SOX6: variants seen among roughly 807,000 people sequenced by gnomAD.
SOX6 encodes SRY-box transcription factor 6.
SOX6 carries 11 observed loss-of-function variants against 97.8 expected under a neutral mutation model. The observed-to-expected ratio is 0.11, with a 90% CI of 0.07 to 0.19. The LOEUF (loss-of-function observed/expected upper bound fraction) is 0.19. Ranked by LOEUF, SOX6 falls within the 10% of genes least tolerant of loss-of-function variation. The pLI is 1.00. For missense variants in SOX6, 810 were observed against 1,039.5 expected (o/e 0.78, Z 3.04); for synonymous variants, 360 against 371.4 (o/e 0.97, Z 0.35).
chr11:16,676,520 G>A (rs1319466349), intron 3 of SOX6, among the ~76,000 whole-genome samples: 1 of 152,034 alleles, frequency 6.6e-6, no homozygotes, highest in Non-Finnish European at 1.5e-5. Flanking sequence ...TGAAATCTCT[G>A]GAAATCAGAA....
chr11:16,400,475 C>G (rs1332355727), intron 1 of SOX6, among the ~76,000 whole-genome samples: 1 of 151,340 alleles, frequency 6.6e-6, no homozygotes, highest in Non-Finnish European at 1.5e-5. Flanking sequence ...TATAAATATA[C>G]TTTTGTACTA....
At chr11:16,001,215 A>G (rs551525958) in intron 13 of SOX6, among the ~76,000 whole-genome samples, 70 of 152,208 alleles carry the variant, frequency 4.6e-4, no homozygotes, top group African/African-American at 1.6e-3. Context: ...TTTAAAGAGC[A>G]ATTTACCTTT....
intron 3 of SOX6, among the ~76,000 whole-genome samples, chr11:16,671,440 C>T (rs1363655996): frequency 1.3e-5 from 2 of 152,132 alleles, no homozygotes; most frequent in Admixed American, 6.6e-5. Flanking sequence ...ATAGCCAGTA[C>T]AGGAAAGAAC....
intron 3 of SOX6, among the ~76,000 whole-genome samples, chr11:16,236,230 T>C (rs1440508719): frequency 6.6e-6 from 1 of 152,086 alleles, no homozygotes; most frequent in Non-Finnish European, 1.5e-5. Flanking sequence ...CAGATGCATA[T>C]GTTCGGGTTG....
chr11:16,341,326 A>G, intron 1 of SOX6, 74 bp from the exon 2 acceptor site: 1 of 1,561,882 alleles, frequency 6.4e-7, no homozygotes, highest in Non-Finnish European at 8.7e-7. Flanking sequence ...GCATTTGGCT[A>G]GTTCAGGAAA....
chr11:16,484,134 G>T, intron 4 of SOX6: 1 of 774,872 alleles, frequency 1.3e-6, no homozygotes, highest in South Asian at 1.3e-5. Context: ...TTAACTGCAG[G>T]CTTATCCTTT....
chr11:16,070,680 G>A (rs1046051922), intron 9 of SOX6, among the ~76,000 whole-genome samples: 11 of 152,036 alleles, frequency 7.2e-5, no homozygotes, highest in South Asian at 2.1e-4. Flanking sequence ...GAAGGACACC[G>A]AGAGCAGAGA....
At chr11:16,583,614 CATATAT>C (rs534690651) in intron 4 of SOX6, among the ~76,000 whole-genome samples, 3 of 104,706 alleles carry the variant, frequency 2.9e-5, no homozygotes, top group East Asian at 4.3e-4. Flanking sequence ...TATATATATA[CATATAT>C]ATATATATAT....
intron 4 of SOX6, among the ~76,000 whole-genome samples, chr11:16,492,138 T>C (rs935222622): frequency 1.3e-5 from 2 of 152,208 alleles, no homozygotes; most frequent in African/African-American, 2.4e-5. Flanking sequence ...AGTAGATAAA[T>C]TTTATTTGAT....
intron 3 of SOX6, among the ~76,000 whole-genome samples, chr11:16,674,966 A>G (rs959431355): frequency 6.6e-6 from 1 of 152,142 alleles, no homozygotes; most frequent in Non-Finnish European, 1.5e-5. Context: ...AAATAAATAA[A>G]TAAATAGCAT....
intron 3 of SOX6, among the ~76,000 whole-genome samples, chr11:16,702,847 T>C (rs1204010280): frequency 6.6e-6 from 1 of 151,526 alleles, no homozygotes; most frequent in Non-Finnish European, 1.5e-5. Context: ...ATATTGTATT[T>C]TATATCCCAA....
chr11:16,460,046 AG>A (rs925259362), intron 1 of SOX6, among the ~76,000 whole-genome samples: 2 of 151,878 alleles, frequency 1.3e-5, no homozygotes, highest in African/African-American at 2.4e-5. Context: ...AACAGTGATA[AG>A]GGGGGGAAAA....
At chr11:16,147,790 C>T (rs531323581) in intron 6 of SOX6, among the ~76,000 whole-genome samples, 170 of 152,300 alleles carry the variant, frequency 1.1e-3, no homozygotes, top group African/African-American at 3.7e-3. Flanking sequence ...CAGTTTACTA[C>T]TCTGATGTTC....
intron 1 of SOX6, chr11:16,434,078 G>A (rs1346380009): frequency 6.6e-6 from 1 of 151,972 alleles, no homozygotes; most frequent in African/African-American, 2.4e-5. Context: ...CAGGCAATTT[G>A]TTTAGCAACA....
At chr11:16,328,897 G>A (rs1381451828) in intron 2 of SOX6, among the ~76,000 whole-genome samples, 1 of 152,104 alleles carries the variant, frequency 6.6e-6, no homozygotes, top group African/African-American at 2.4e-5. Flanking sequence ...AAAGGATTGG[G>A]TTAAAGAAGC....
chr11:15,972,692 A>T lies in SOX6; in HGVS notation c.*117T>A. 1 of 1,127,466 alleles carries T rather than the reference A, an allele frequency of 8.9e-7. No individual in the cohort carries two copies. Among genetic ancestry groups the T allele is most frequent in the Non-Finnish European group, 1.3e-6 (1 of 753,246 alleles). 69.8% of individuals were successfully genotyped at this position (1,127,466 alleles called of 1,614,324 possible). Reference sequence around the variant, plus strand: ...CTGTCTCACACTTTACGAAACAATTAAGACCATTCTGCTGATGTAATTGTG... The same window carrying T: ...CTGTCTCACACTTTACGAAACAATTTAGACCATTCTGCTGATGTAATTGTG... On this transcript the variant is annotated 3_prime_UTR_variant, in exon 16 of 16. Transcript: ENST00000683767.
rs183485143 is a variant in SOX6 at position 16,679,824 on chromosome 11, G to A, written n.429+35006C>T. On this transcript the variant is annotated intron_variant and non_coding_transcript_variant, in intron 3 of 5. Transcript: ENST00000524520. ...ACTTCGTGACACATGCACAAGCTTC[G>A]ATAGCCAATTTGATCAAGTGGAAGA... 7.7e-3 allele frequency among the ~76,000 whole-genome samples: 1,172 copies of A among 152,208 alleles called. 14 individuals carry two copies. The highest frequency in any genetic ancestry group is 0.027 in the African/African-American group (1,118 of 41,518).
chr11:16,305,635 C>T (rs572513411), intron 3 of SOX6, among the ~76,000 whole-genome samples: 1 of 152,286 alleles, frequency 6.6e-6, no homozygotes, highest in Admixed American at 6.5e-5. Context: ...TAGTCAAAAA[C>T]TGGAATCTGC....
chr11:15,975,009 A>G lies in SOX6; in HGVS notation c.2184-1897T>C, dbSNP rs150350339. ...TGAATCCCATCACTCTTTCCTTTAT[A>G]GATATTCAATCTACAGATACACTAA... is the stretch of plus-strand genomic sequence containing the variant. On this transcript the variant is annotated intron_variant, in intron 15 of 15. Coordinates refer to ENST00000683767, the MANE Select transcript of SOX6 (RefSeq NM_001367873.1). 3.0e-3 allele frequency among the ~76,000 whole-genome samples: 453 copies of G among 152,290 alleles called. 11 individuals are homozygous for G. In the South Asian group the frequency reaches 0.054, roughly 18 times the overall value.
Sources: allele counts gnomAD v4.1 joint callset (sites outside exome capture counted in the v4.1 genomes callset), GRCh38; gene constraint gnomAD v4.1.1; transcripts MANE v1.5; gene names NCBI Gene and HGNC (gene_info 2026-07-23, HGNC 2026-07-21).